The following RREB1 variants were observed in gnomAD, a reference collection of about 807,000 sequenced individuals.
The protein encoded by RREB1 is ras-responsive element-binding protein 1.
In RREB1, 27 loss-of-function variants were observed where a neutral mutation model predicts 117.8. That is an observed-to-expected ratio of 0.23 (90% CI 0.17 to 0.32). The LOEUF (loss-of-function observed/expected upper bound fraction) is 0.32. RREB1 is among the 10% of genes least tolerant of loss of function. The pLI is 1.00. For synonymous variants in RREB1, 1,298 were observed against 1,026.7 expected (o/e 1.26, Z -5.05); for missense variants, 2,577 against 2,378.2 (o/e 1.08, Z -1.74).
intron 1 of RREB1, among the ~76,000 whole-genome samples, chr6:7,144,997 GT>G (rs1762795085): frequency 6.6e-6 from 1 of 152,236 alleles, no homozygotes; most frequent in African/African-American, 2.4e-5. Context: ...AGGGGGGAAA[GT>G]GTAATCTTTT....
chr6:7,198,159 G>A (rs980978345), intron 6 of RREB1, among the ~76,000 whole-genome samples: 1 of 152,174 alleles, frequency 6.6e-6, no homozygotes, highest in African/African-American at 2.4e-5. Context: ...GCTCGTTCTG[G>A]CGCTTGCTGC....
At chr6:7,185,324 C>G (rs1765029647) in intron 4 of RREB1, 1 of 152,194 alleles carries the variant, frequency 6.6e-6, no homozygotes, top group Non-Finnish European at 1.5e-5. Context: ...AATCCCAGCA[C>G]TTCGGGAAGC....
chr6:7,215,805 T>C (rs1359729165), intron 8 of RREB1: 3 of 152,220 alleles, frequency 2.0e-5, no homozygotes, highest in Non-Finnish European at 4.4e-5. Context: ...TGAAATCTGG[T>C]GTGTGTGACG....
intron 1 of RREB1, among the ~76,000 whole-genome samples, chr6:7,173,186 G>A (rs543019959): frequency 6.6e-6 from 1 of 152,110 alleles, no homozygotes; most frequent in East Asian, 1.9e-4. Context: ...TTTTTTCAGG[G>A]CCTCTACCAT....
rs754462487 is a variant in RREB1 at position 7,230,618 on chromosome 6, A to G, written c.2519A>G (p.Glu840Gly). 1.1e-5 allele frequency: 17 copies of G among 1,604,900 alleles called. No individual in the cohort carries two copies. The Middle Eastern group carries it at 2.0e-3, about 187-fold the overall frequency. The stretch of plus-strand genomic sequence containing the variant: ...GGCCCCGCAGAGGCGCCGGCCGCTG[A>G]GGCGTCGGGGCGCGGGGAGGACAGT... The part of the protein sequence containing the change: ...GLGPAEAPAA[E>G]ASGRGEDSGC... Residue 840 changes from glutamate (E) to glycine (G), a missense_variant, in exon 10 of 13, where the codon GAG (glutamate) becomes GGG (glycine). Coordinates refer to ENST00000379938, the MANE Select transcript of RREB1 (RefSeq NM_001003699.4).
chr6:7,190,957 C>T (rs1332927022), intron 6 of RREB1, among the ~76,000 whole-genome samples: 1 of 152,258 alleles, frequency 6.6e-6, no homozygotes, highest in African/African-American at 2.4e-5. Context: ...GGTAAAGAGG[C>T]CCCTCCTAGT....
At chr6:7,187,974 G>A (rs565514431) in intron 5 of RREB1, among the ~76,000 whole-genome samples, 1 of 152,010 alleles carries the variant, frequency 6.6e-6, no homozygotes, top group Admixed American at 6.5e-5. Flanking sequence ...TGGCCAACAT[G>A]GTCCAGACCA....
Position 7,248,832 on chromosome 6 carries a change from A to G in RREB1, c.5093A>G (p.Glu1698Gly). Residue 1698 changes from glutamate to glycine, a missense_variant, in exon 13 of 13, where the codon GAG (glutamate) becomes GGG (glycine). Transcript: ENST00000379938. ...AAGGTCACGGCAGGGTGGCCGTCTG[A>G]GCCTGGCCAGGGTGACCTTAACCCA... The part of the protein sequence containing the change: ...EEKVTAGWPS[E>G]PGQGDLNPES... 1 of 1,612,240 alleles carries G rather than the reference A, an allele frequency of 6.2e-7. No individual in the cohort carries two copies. Among genetic ancestry groups the G allele is most frequent in the East Asian group, 2.2e-5 (1 of 44,846 alleles).
Position 7,251,818 on chromosome 6 carries a change from C to G in RREB1, c.*2850C>G, listed in dbSNP as rs1267346528. 1 of 152,184 alleles carries G rather than the reference C, an allele frequency of 6.6e-6. No individual in the cohort carries two copies. The highest frequency in any genetic ancestry group is 1.5e-5 in the Non-Finnish European group (1 of 68,026). The allele number at this position is 152,184 out of a possible 1,614,324, so 9.4% of individuals were successfully genotyped here. The stretch of plus-strand genomic sequence containing the variant: ...AAAAACTGCTGCTACATGTTATGTA[C>G]AAAACTGGTTTATGCCACATGAACA... On this transcript the variant is annotated 3_prime_UTR_variant, in exon 13 of 13. Coordinates refer to ENST00000379938, the MANE Select transcript of RREB1 (RefSeq NM_001003699.4).
intron 6 of RREB1, among the ~76,000 whole-genome samples, chr6:7,193,217 T>C (rs138870303): frequency 6.9e-4 from 105 of 152,352 alleles, no homozygotes; most frequent in African/African-American, 2.1e-3. Flanking sequence ...ATTTCAAACT[T>C]TGTGAATGTA....
chr6:7,116,949 T>C (rs545896902), intron 1 of RREB1, among the ~76,000 whole-genome samples: 2 of 152,172 alleles, frequency 1.3e-5, no homozygotes, highest in East Asian at 1.9e-4. Context: ...AGAGCTCCAA[T>C]GTGTGGGCCC....
In RREB1 at chr6:7,229,860, G is replaced by A. The variant is rs1311869118; in HGVS notation, c.1761G>A (p.Pro587=). ...TGCAGCAGCCGCGGGCGGAGCTGCC[G>A]GGCCAGCCTGAGATGAAGACGCAGC... The part of the protein sequence containing the change: ...LSLQQPRAEL[P]GQPEMKTQLE... The change falls in exon 10 of 13, where the codon CCG becomes CCA. Residue 587 remains proline, a synonymous_variant. Transcript: ENST00000379938. This position sits in a 1 kb window ranked among gnomAD's most constrained non-coding sequence, Gnocchi z 4.5. 4 of 1,610,502 alleles carry A rather than the reference G, an allele frequency of 2.5e-6. No homozygotes were observed. The highest frequency in any genetic ancestry group is 1.3e-5 in the African/African-American group (1 of 74,998).
intron 1 of RREB1, among the ~76,000 whole-genome samples, chr6:7,160,433 G>C (rs1186576706): frequency 2.0e-5 from 3 of 152,102 alleles, no homozygotes; most frequent in African/African-American, 7.2e-5. Context: ...TTATCCATAA[G>C]TATAGCATAG....
In RREB1 at chr6:7,248,941, C is replaced by A; in HGVS notation, c.5202C>A (p.Gly1734=). ...PAHPILATAD[G]ASQLVGME is the part of the protein sequence containing the mutation. ...ACCCAATCCTGGCCACAGCTGATGG[C>A]GCCTCCCAGCTCGTGGGGATGGAGT... is the stretch of plus-strand genomic sequence containing the variant. Residue 1734 remains glycine, a synonymous_variant, in exon 13 of 13, where the codon GGC becomes GGA. Transcript: ENST00000379938. 1 of 1,500,152 alleles carries A rather than the reference C, an allele frequency of 6.7e-7. No homozygotes were observed. The highest frequency in any genetic ancestry group is 8.9e-7 in the Non-Finnish European group (1 of 1,126,862). The allele number at this position is 1,500,152 out of a possible 1,614,324, so 92.9% of individuals were successfully genotyped here.
At chr6:7,228,919 T>C in intron 9 of RREB1, 78 bp from the exon 10 acceptor site, 3 of 1,301,920 alleles carry the variant, frequency 2.3e-6, no homozygotes, top group South Asian at 2.0e-5. Context: ...CAACAAATAC[T>C]TTGTGCATCT....
At chr6:7,243,338 T>A (rs1768824815) in intron 11 of RREB1, among the ~76,000 whole-genome samples, 1 of 152,256 alleles carries the variant, frequency 6.6e-6, no homozygotes, top group African/African-American at 2.4e-5. Context: ...TAGGAGGAGC[T>A]GCGGGTTTAT....
chr6:7,211,281 G>A (rs894138669), intron 7 of RREB1, among the ~76,000 whole-genome samples: 1 of 145,898 alleles, frequency 6.9e-6, no homozygotes, highest in Non-Finnish European at 1.5e-5. Context: ...GCAGATACCC[G>A]GTGCTGCAAA....
chr6:7,111,055 C>G (rs1181539258), intron 1 of RREB1, among the ~76,000 whole-genome samples: 4 of 152,170 alleles, frequency 2.6e-5, no homozygotes, highest in Non-Finnish European at 4.4e-5. Flanking sequence ...TAAATTTCTT[C>G]GGGCAGACTC....
intron 1 of RREB1, among the ~76,000 whole-genome samples, chr6:7,141,943 G>T (rs534313582): frequency 7.2e-5 from 11 of 152,344 alleles, no homozygotes; most frequent in African/African-American, 2.6e-4. Flanking sequence ...CTCGCCCATA[G>T]GCTCACGCTC....
Sources: gnomAD v4.1 joint callset for allele counts (sites outside exome capture counted in the v4.1 genomes callset) on GRCh38, gnomAD v4.1.1 for gene constraint, Gnocchi (gnomAD v3.1) non-coding constraint, MANE v1.5 for transcripts, NCBI Gene and HGNC (gene_info 2026-07-23, HGNC 2026-07-21) for gene names.